THSD7A: variants seen among roughly 807,000 people sequenced by gnomAD.
The protein encoded by THSD7A is thrombospondin type 1 domain containing 7A, also known as thrombospondin type-1 domain-containing protein 7A.
THSD7A carries 96 observed loss-of-function variants against 231.3 expected under a neutral mutation model. The ratio of observed to expected loss-of-function variants is 0.41; its 90% CI spans 0.35 to 0.49. The LOEUF (loss-of-function observed/expected upper bound fraction) is 0.49, where lower values mean the gene tolerates loss of function less well. THSD7A is among the 20% of genes least tolerant of loss of function. THSD7A has a pLI of 0.05. For missense variants in THSD7A, 2,290 were observed against 2,070.2 expected (o/e 1.11, Z -2.06); for synonymous variants, 940 against 743.3 (o/e 1.26, Z -4.30).
chr7:11,386,987 T>C (rs1327900105), intron 23 of THSD7A, among the ~76,000 whole-genome samples: 2 of 152,186 alleles, frequency 1.3e-5, no homozygotes, highest in African/African-American at 4.8e-5. Flanking sequence ...CCATTGATTG[T>C]TTTTGTCAGG....
intron 22 of THSD7A, among the ~76,000 whole-genome samples, chr7:11,405,950 C>T (rs912832249): frequency 8.5e-5 from 13 of 152,184 alleles, no homozygotes; most frequent in Non-Finnish European, 1.5e-4. Context: ...GCCTCTCTTT[C>T]TCTCTTCTGG....
Position 11,568,638 on chromosome 7 carries a change from AAAAAAAAAAAAAAAAACC to A in THSD7A, c.1453+21804_1453+21821del, listed in dbSNP as rs1790475491. ...AAACTCCGTCTCAAAAAAAAAAAAA[AAAAAAAAAAAAAAAAACC>A]AAAATCTGGAACAAGGTAAAGATGA... is the stretch of plus-strand genomic sequence containing the variant. On this transcript the variant is annotated intron_variant, in intron 4 of 27. Transcript: ENST00000423059. 2.1e-5 allele frequency among the ~76,000 whole-genome samples: 3 copies of A among 145,204 alleles called. No individual in the cohort carries two copies. In the South Asian group the frequency reaches 6.5e-4, roughly 32 times the overall value.
At chr7:11,653,092 C>T (rs1157933380) in intron 1 of THSD7A, among the ~76,000 whole-genome samples, 1 of 151,840 alleles carries the variant, frequency 6.6e-6, no homozygotes, top group Non-Finnish European at 1.5e-5. Flanking sequence ...ATTGTTTTTG[C>T]AAATTTCTCA....
chr7:11,433,984 A>G (rs1218212670), intron 13 of THSD7A, among the ~76,000 whole-genome samples: 5 of 152,060 alleles, frequency 3.3e-5, no homozygotes, highest in Non-Finnish European at 4.4e-5. Context: ...TATATTGCCT[A>G]GCATATCAAT....
chr7:11,620,732 TA>T (rs1436216481), intron 2 of THSD7A, among the ~76,000 whole-genome samples: 1 of 152,212 alleles, frequency 6.6e-6, no homozygotes, highest in Non-Finnish European at 1.5e-5. Flanking sequence ...AACACATGCT[TA>T]TTATCACAAT....
intron 1 of THSD7A, among the ~76,000 whole-genome samples, chr7:11,650,172 T>C (rs1015285828): frequency 7.2e-5 from 11 of 152,090 alleles, no homozygotes; most frequent in African/African-American, 2.2e-4. Context: ...ATAGTTGCAA[T>C]TGGGGCCAAC....
chr7:11,623,777 C>A (rs1781391394), intron 2 of THSD7A, among the ~76,000 whole-genome samples: 1 of 152,108 alleles, frequency 6.6e-6, no homozygotes, highest in African/African-American at 2.4e-5. Flanking sequence ...TAGAAGAGAA[C>A]CTCAGTTGTT....
intron 1 of THSD7A, among the ~76,000 whole-genome samples, chr7:11,777,993 C>CAA (rs34060229): frequency 5.2e-5 from 7 of 134,216 alleles, no homozygotes; most frequent in Non-Finnish European, 9.6e-5. Flanking sequence ...ACTAAAAATA[C>CAA]AAAAAAAAAA....
chr7:11,387,547 C>A (rs1344392131), intron 23 of THSD7A, among the ~76,000 whole-genome samples: 1 of 152,086 alleles, frequency 6.6e-6, no homozygotes, highest in African/African-American at 2.4e-5. Flanking sequence ...GTGATTTTTG[C>A]ACATTGATTT....
chr7:11,591,156 A>ATTTTT (rs59544271), intron 3 of THSD7A, among the ~76,000 whole-genome samples: 31 of 142,730 alleles, frequency 2.2e-4, no homozygotes, highest in African/African-American at 7.3e-4. Flanking sequence ...CAAGAATAAG[A>ATTTTT]TTTTTTTTTT....
intron 6 of THSD7A, among the ~76,000 whole-genome samples, chr7:11,519,243 C>G (rs1210103817): frequency 6.6e-6 from 1 of 152,174 alleles, no homozygotes; most frequent in Non-Finnish European, 1.5e-5. Flanking sequence ...GCACTGCCAG[C>G]AGCCCTGAAC....
chr7:11,734,511 T>C (rs1008933794), intron 1 of THSD7A, among the ~76,000 whole-genome samples: 5 of 151,946 alleles, frequency 3.3e-5, no homozygotes, highest in African/African-American at 9.7e-5. Context: ...CTGCCTTACG[T>C]TTTCTTGATA....
chr7:11,831,854 C>T lies in THSD7A; in HGVS notation c.93G>A (p.Pro31=), dbSNP rs938717360. Residue 31 remains proline, a synonymous_variant, in exon 1 of 28, where the codon CCG becomes CCA. Transcript: ENST00000423059. The surrounding 1 kb of genome is among the most constrained non-coding windows in gnomAD (Gnocchi z 5.0). The part of the protein sequence containing the change: ...GVLQLLPLPL[P]LPLLLLLLLR... ...GCAGCAGCAGCAGGAGCAGCGGCAG[C>T]GGCAGCGGCAGCGGCAGCAGCTGCA... The T allele has an allele frequency of 1.9e-5, 24 of 1,247,324 alleles. No homozygotes were observed. The highest frequency in any genetic ancestry group is 1.0e-4 in the East Asian group (3 of 28,602). The allele number at this position is 1,247,324 out of a possible 1,614,324, so 77.3% of individuals were successfully genotyped here. A position where few individuals can be genotyped will look rare whatever the true frequency, so the allele number is the denominator to read the frequency against.
chr7:11,831,131 C>A lies in THSD7A; in HGVS notation c.190+626G>T, dbSNP rs933446548. Among the ~76,000 whole-genome samples the A allele has an allele frequency of 6.6e-6, 1 of 152,170 alleles. No homozygotes were observed. The highest frequency in any genetic ancestry group is 2.4e-5 in the African/African-American group (1 of 41,440). On this transcript the variant is annotated intron_variant, in intron 1 of 27. Transcript: ENST00000423059. The surrounding 1 kb of genome is among the most constrained non-coding windows in gnomAD (Gnocchi z 5.0). ...TGGGTGGTTGAAAAACAAAGCAAAA[C>A]AATTCTCAAGGAAGGAAGAGAAAGT...
At position 11,412,391 on chromosome 7, in the gene THSD7A, G is replaced by T. The variant is rs556884674; in HGVS notation, c.3682+265C>A. 7.9e-5 allele frequency among the ~76,000 whole-genome samples: 12 copies of T among 152,180 alleles called. No homozygotes were observed. The East Asian group carries it at 2.3e-3, about 29-fold the overall frequency. On this transcript the variant is annotated intron_variant, in intron 18 of 27. Coordinates refer to ENST00000423059, the MANE Select transcript of THSD7A (RefSeq NM_015204.3). ...ATTCACCTTCCCGAAGTGAGAGGTT[G>T]TCTTATGTAGGAACACTTAGTATAT...
At chr7:11,781,952 G>A (rs537748855) in intron 1 of THSD7A, among the ~76,000 whole-genome samples, 1 of 152,084 alleles carries the variant, frequency 6.6e-6, no homozygotes, top group Non-Finnish European at 1.5e-5. Flanking sequence ...CCTCTGTGTT[G>A]TAGGATGCTT....
At chr7:11,546,678 A>C (rs1349538211) in intron 4 of THSD7A, among the ~76,000 whole-genome samples, 1 of 152,180 alleles carries the variant, frequency 6.6e-6, no homozygotes, top group African/African-American at 2.4e-5. Flanking sequence ...ATTACATTCA[A>C]ATGACTGCAC....
At chr7:11,544,873 C>T (rs1051335926) in intron 4 of THSD7A, among the ~76,000 whole-genome samples, 1 of 135,496 alleles carries the variant, frequency 7.4e-6, no homozygotes, top group African/African-American at 2.7e-5. Context: ...CACTAATTGG[C>T]TTAGTATGAG....
chr7:11,816,297 A>G (rs1443571678), intron 1 of THSD7A, among the ~76,000 whole-genome samples: 2 of 152,190 alleles, frequency 1.3e-5, no homozygotes, highest in Non-Finnish European at 2.9e-5. Context: ...CTTAATTCAG[A>G]CTGTGAATGG....
Sources: allele counts gnomAD v4.1 joint callset (sites outside exome capture counted in the v4.1 genomes callset), GRCh38; gene constraint gnomAD v4.1.1; non-coding constraint Gnocchi (gnomAD v3.1); transcripts MANE v1.5; gene names NCBI Gene and HGNC (gene_info 2026-07-23, HGNC 2026-07-21).